The following POLR3B variants were observed in gnomAD, a reference collection of about 807,000 sequenced individuals.
POLR3B encodes the protein DNA-directed RNA polymerase III subunit RPC2.
POLR3B carries 96 observed loss-of-function variants against 147.4 expected under a neutral mutation model. That is an observed-to-expected ratio of 0.65 (90% CI 0.55 to 0.77). POLR3B has a LOEUF of 0.77. POLR3B is among the 30% of genes least tolerant of loss of function. The pLI, the probability that POLR3B is intolerant of heterozygous loss-of-function variation, is 0.00. For synonymous variants in POLR3B, 461 were observed against 485.9 expected, an observed-to-expected ratio of 0.95 and a Z score of 0.67; for missense variants, 1,036 against 1,413.5, an observed-to-expected ratio of 0.73 and a Z score of 4.28.
intron 11 of POLR3B, 164 bp from the exon 12 acceptor site, chr12:106,410,662 T>A (rs1410160781): frequency 1.5e-6 from 1 of 677,048 alleles, no homozygotes; most frequent in African/African-American, 1.8e-5. Context: ...AGTCATCATC[T>A]CAGCTCAGGA....
chr12:106,447,553 G>C (rs900578958), intron 19 of POLR3B, among the ~76,000 whole-genome samples: 2 of 152,198 alleles, frequency 1.3e-5, no homozygotes, highest in African/African-American at 2.4e-5. Flanking sequence ...GAAATGGCTG[G>C]ATCTCCAGGT....
rs754111056 is a variant in POLR3B at position 106,430,455 on chromosome 12, G to A, written c.1446G>A (p.Ser482=). The change falls in exon 14 of 28, where the codon TCG becomes TCA. Residue 482 remains serine, a synonymous_variant. Transcript: ENST00000228347. The part of the protein sequence containing the change: ...QPSQWGMLCP[S]DTPEGEACGL... Reference sequence around the variant, plus strand: ...CTCAGTGGGGAATGCTGTGTCCTTCGGACACTCCTGAAGGAGAGGTAAGGA... The same window carrying A: ...CTCAGTGGGGAATGCTGTGTCCTTCAGACACTCCTGAAGGAGAGGTAAGGA... 13 of 1,612,472 alleles carry A rather than the reference G, an allele frequency of 8.1e-6. No homozygotes were observed. Among genetic ancestry groups the A allele is most frequent in the East Asian group, 6.7e-5 (3 of 44,846 alleles).
At chr12:106,463,822 G>T (rs542961389) in intron 23 of POLR3B, among the ~76,000 whole-genome samples, 9 of 152,194 alleles carry the variant, frequency 5.9e-5, no homozygotes, top group African/African-American at 2.2e-4. Flanking sequence ...GCTCCTCTAT[G>T]CTGTCTGTTT....
intron 10 of POLR3B, among the ~76,000 whole-genome samples, chr12:106,402,245 A>G (rs112990067): frequency 6.6e-6 from 1 of 152,022 alleles, no homozygotes; most frequent in African/African-American, 2.4e-5. Flanking sequence ...TAGGAATCCA[A>G]CTTACAAGGG....
At chr12:106,371,233 A>G (rs2036602115) in intron 6 of POLR3B, among the ~76,000 whole-genome samples, 1 of 152,194 alleles carries the variant, frequency 6.6e-6, no homozygotes, top group Admixed American at 6.5e-5. Context: ...TCAAAACCAC[A>G]ATGAGATACC....
chr12:106,392,922 T>C (rs925951952), intron 9 of POLR3B, 109 bp from the exon 10 acceptor site: 3 of 1,381,020 alleles, frequency 2.2e-6, no homozygotes, highest in Non-Finnish European at 3.0e-6. Flanking sequence ...AGAGAAGAGC[T>C]AGCTTTTGCT....
intron 9 of POLR3B, among the ~76,000 whole-genome samples, chr12:106,391,339 C>G (rs943211215): frequency 6.6e-6 from 1 of 152,156 alleles, no homozygotes. Context: ...CCTTCAAAGT[C>G]ATCATACGTG....
At chr12:106,402,574 G>A (rs367602892) in intron 10 of POLR3B, among the ~76,000 whole-genome samples, 2 of 152,206 alleles carry the variant, frequency 1.3e-5, no homozygotes, top group East Asian at 3.8e-4. Flanking sequence ...CAAGTCTACA[G>A]TAACCAAAAC....
chr12:106,476,111 C>T (rs1233540772), intron 23 of POLR3B, among the ~76,000 whole-genome samples: 2 of 138,184 alleles, frequency 1.4e-5, no homozygotes, highest in African/African-American at 5.5e-5. Flanking sequence ...TATTTTATTT[C>T]TCCTTCACTT....
At chr12:106,366,382 T>C in intron 2 of POLR3B, 134 bp from the exon 3 acceptor site, 1 of 689,402 alleles carries the variant, frequency 1.5e-6, no homozygotes, top group Non-Finnish European at 2.6e-6. Flanking sequence ...GGATTATTTT[T>C]CTCATTTTGA....
intron 22 of POLR3B, among the ~76,000 whole-genome samples, chr12:106,462,610 G>A (rs528597075): frequency 6.6e-6 from 1 of 152,324 alleles, no homozygotes; most frequent in South Asian, 2.1e-4. Flanking sequence ...AGTAAGTTAA[G>A]TAAAAGTGTG....
intron 6 of POLR3B, among the ~76,000 whole-genome samples, chr12:106,372,675 C>T (rs550494707): frequency 6.6e-6 from 1 of 152,074 alleles, no homozygotes; most frequent in Non-Finnish European, 1.5e-5. Flanking sequence ...GCTTTGACCT[C>T]TATTTCTTAA....
chr12:106,454,819 T>G, intron 20 of POLR3B, 108 bp downstream of exon 20: 1 of 716,722 alleles, frequency 1.4e-6, no homozygotes, highest in Non-Finnish European at 2.5e-6. Context: ...GTTATTTGAA[T>G]TTTATGATAT....
At chr12:106,388,992 C>T (rs972773037) in intron 9 of POLR3B, among the ~76,000 whole-genome samples, 1 of 152,076 alleles carries the variant, frequency 6.6e-6, no homozygotes, top group South Asian at 2.1e-4. Flanking sequence ...AATGTATTAT[C>T]TCTGCTATTT....
chr12:106,396,247 A>G (rs2036977535), intron 10 of POLR3B, among the ~76,000 whole-genome samples: 1 of 152,324 alleles, frequency 6.6e-6, no homozygotes, highest in African/African-American at 2.4e-5. Context: ...CATTTATTGA[A>G]GACAGCTTAG....
chr12:106,396,659 G>A (rs544708000), intron 10 of POLR3B, among the ~76,000 whole-genome samples: 7 of 152,304 alleles, frequency 4.6e-5, no homozygotes, highest in Non-Finnish European at 8.8e-5. Context: ...GAAAGCCTTC[G>A]GAGAGGAAGT....
intron 23 of POLR3B, among the ~76,000 whole-genome samples, chr12:106,485,266 G>A (rs2038322120): frequency 6.6e-6 from 1 of 152,080 alleles, no homozygotes; most frequent in Non-Finnish European, 1.5e-5. Context: ...TGTAATAATG[G>A]CATTAATCCA....
At position 106,410,948 on chromosome 12, in the gene POLR3B, A is replaced by G. The variant is rs757801078; in HGVS notation, c.1089A>G (p.Glu363=). The change falls in exon 12 of 28, where the codon GAA becomes GAG. Residue 363 remains glutamate (E), a synonymous_variant. Transcript: ENST00000228347. ...DRDYYGNKRL[E]LAGQLLSLLF... ...ATTATTATGGTAACAAGCGACTGGA[A>G]TTGGCAGGACAGGTGATTTAATATT... 1.5e-5 allele frequency: 24 copies of G among 1,613,502 alleles called. No homozygotes were observed. Among genetic ancestry groups the G allele is most frequent in the Non-Finnish European group, 1.8e-5 (21 of 1,179,602 alleles).
intron 19 of POLR3B, among the ~76,000 whole-genome samples, chr12:106,449,177 C>T (rs943682216): frequency 5.9e-5 from 9 of 152,174 alleles, no homozygotes; most frequent in South Asian, 2.1e-4. Context: ...ACACTTTATA[C>T]GCATAGCCTA....
Sources: allele counts gnomAD v4.1 joint callset (sites outside exome capture counted in the v4.1 genomes callset), GRCh38; gene constraint gnomAD v4.1.1; transcripts MANE v1.5; gene names NCBI Gene and HGNC (gene_info 2026-07-23, HGNC 2026-07-21).